The following APCDD1L variants were observed in gnomAD, a reference collection of about 807,000 sequenced individuals.
APCDD1L encodes the protein protein APCDD1-like.
A neutral mutation model predicts 24.2 loss-of-function variants in APCDD1L; 21 were observed. The ratio of observed to expected loss-of-function variants is 0.87; its 90% confidence interval spans 0.61 to 1.25. The LOEUF (loss-of-function observed/expected upper bound fraction) is 1.25. Among genes scored for constraint, APCDD1L ranks in the 50% most tolerant of loss-of-function variants. The pLI is 0.00. For synonymous variants in APCDD1L, 321 were observed against 323.6 expected (o/e 0.99, Z 0.09); for missense variants, 704 against 711.7 (o/e 0.99, Z 0.12).
chr20:58,475,342 C>T (rs1008705049), intron 1 of APCDD1L, among the ~76,000 whole-genome samples: 4 of 152,150 alleles, frequency 2.6e-5, no homozygotes, highest in Non-Finnish European at 5.9e-5. Context: ...GAAGCGAGCA[C>T]TTCGTATTCC....
rs897813773 is a variant in APCDD1L at position 58,467,963 on chromosome 20, C to G, written c.189-305G>C. 8.5e-5 allele frequency among the ~76,000 whole-genome samples: 13 copies of G among 152,230 alleles called. No homozygotes were observed. Among genetic ancestry groups the G allele is most frequent in the Non-Finnish European group, 1.6e-4 (11 of 68,006 alleles). ...TGGGGACCCGCTGGCCTGGGAGCTC[C>G]GGGATGCCCTGCCTGCTTCCTCCCC... On this transcript the variant is annotated intron_variant, in intron 2 of 3. Coordinates refer to ENST00000371149, the MANE Select transcript of APCDD1L (RefSeq NM_153360.3). The surrounding 1 kb of genome is among the most constrained non-coding windows in gnomAD (Gnocchi z 5.9).
chr20:58,461,130 G>A lies in APCDD1L; in HGVS notation c.1166C>T (p.Thr389Ile). Residue 389 changes from threonine (T) to isoleucine (I), a missense_variant, in exon 4 of 4, where the codon ACT (threonine) becomes ATT (isoleucine). Transcript: ENST00000371149. The surrounding 1 kb of genome is among the most constrained non-coding windows in gnomAD (Gnocchi z 6.0). ...GTTGGTGGCTGTGACATCCCGCTCA[G>A]TGCCCATGGACCAGGCCCCCGCACC... Reference protein sequence around the residue: ...CGGAGAWSMGTERDVTATNGC... With the variant: ...CGGAGAWSMGIERDVTATNGC... 1 of 1,613,676 alleles carries A rather than the reference G, an allele frequency of 6.2e-7. No individual in the cohort carries two copies.
chr20:58,514,962 A>G lies in APCDD1L; in HGVS notation c.-255T>C, dbSNP rs531784798. 2.8e-6 allele frequency: 1 copy of G among 351,646 alleles called. No individual in the cohort carries two copies. The highest frequency in any genetic ancestry group is 5.1e-6 in the Non-Finnish European group (1 of 196,600). 21.8% of individuals were successfully genotyped at this position (351,646 alleles called of 1,614,324 possible). ...GGAGACAGCCCCCGGCGAGGCGCGC[A>G]CACCCGCGCAGCGCGCACAGCCCCC... On this transcript the variant is annotated 5_prime_UTR_variant, in exon 1 of 4. Transcript: ENST00000371149.
intron 1 of APCDD1L, among the ~76,000 whole-genome samples, chr20:58,476,011 C>T (rs944008539): frequency 6.6e-6 from 1 of 152,088 alleles, no homozygotes; most frequent in African/African-American, 2.4e-5. Flanking sequence ...CTGCAAAGAC[C>T]CTATATCCAA....
intron 1 of APCDD1L, among the ~76,000 whole-genome samples, chr20:58,485,660 C>T (rs988693322): frequency 2.0e-5 from 3 of 152,180 alleles, no homozygotes; most frequent in Admixed American, 1.3e-4. Flanking sequence ...TCACTCTGGC[C>T]CCTGTAATTC....
intron 1 of APCDD1L, among the ~76,000 whole-genome samples, chr20:58,489,012 G>A (rs1396722043): frequency 6.6e-6 from 1 of 152,046 alleles, no homozygotes; most frequent in Admixed American, 6.6e-5. Context: ...GTGAGTAGGG[G>A]GAAAAGAGGA....
Position 58,467,547 on chromosome 20 carries a change from A to G in APCDD1L, c.300T>C (p.Pro100=). Reference sequence around the variant, plus strand: ...TGCCCTTGACGAGCAGCGAGTGGGCAGGTTCCCCGCAGAAGGGGTCCTCGT... The same window carrying G: ...TGCCCTTGACGAGCAGCGAGTGGGCGGGTTCCCCGCAGAAGGGGTCCTCGT... ...FYYEDPFCGE[P]AHSLLVKGKV... The change falls in exon 3 of 4, where the codon CCT becomes CCC. Residue 100 remains proline, a synonymous_variant. Transcript: ENST00000371149. The surrounding 1 kb of genome is among the most constrained non-coding windows in gnomAD (Gnocchi z 5.9). 5 of 1,586,992 alleles carry G rather than the reference A, an allele frequency of 3.2e-6. No individual in the cohort carries two copies. The highest frequency in any genetic ancestry group is 4.3e-6 in the Non-Finnish European group (5 of 1,166,782).
rs1281192999 is a variant in APCDD1L, at chr20:58,467,718, T to A, written c.189-60A>T. The A allele has an allele frequency of 4.3e-6, 6 of 1,384,238 alleles. No homozygotes were observed. The highest frequency in any genetic ancestry group is 4.7e-6 in the Non-Finnish European group (5 of 1,064,476). 85.7% of individuals were successfully genotyped at this position (1,384,238 alleles called of 1,614,324 possible). ...GGGAACACCGCGCCGCGAGCCCCTC[T>A]CCCCTCTGGGCTGGGCTCCTTTCTC... On this transcript the variant is annotated intron_variant, in intron 2 of 3. Transcript: ENST00000371149. The surrounding 1 kb of genome is among the most constrained non-coding windows in gnomAD (Gnocchi z 5.9).
chr20:58,463,823 T>G (rs1188008185), intron 3 of APCDD1L, among the ~76,000 whole-genome samples: 1 of 136,506 alleles, frequency 7.3e-6, no homozygotes, highest in Non-Finnish European at 1.5e-5. Flanking sequence ...GTGAGTTTCA[T>G]GCCAGACGAG....
At chr20:58,462,433 C>T (rs1435754040) in intron 3 of APCDD1L, among the ~76,000 whole-genome samples, 1 of 152,152 alleles carries the variant, frequency 6.6e-6, no homozygotes, top group East Asian at 1.9e-4. Context: ...TTACATCTTC[C>T]CTACAGGTGG....
chr20:58,510,783 C>A (rs1990612666), intron 1 of APCDD1L, among the ~76,000 whole-genome samples: 1 of 152,196 alleles, frequency 6.6e-6, no homozygotes, highest in South Asian at 2.1e-4. Context: ...GAGCCTGGAC[C>A]TGCATGGTGT....
At chr20:58,493,350 G>A (rs1990260471) in intron 1 of APCDD1L, among the ~76,000 whole-genome samples, 1 of 152,218 alleles carries the variant, frequency 6.6e-6, no homozygotes, top group Admixed American at 6.5e-5. Context: ...AAGAGATCAT[G>A]ACTGTGATTT....
At chr20:58,479,796 G>A (rs577175674) in intron 1 of APCDD1L, among the ~76,000 whole-genome samples, 8 of 152,268 alleles carry the variant, frequency 5.3e-5, no homozygotes, top group African/African-American at 1.9e-4. Context: ...GAGGAGATAT[G>A]CTGGCTGCGA....
At chr20:58,500,076 T>C (rs1990402211) in intron 1 of APCDD1L, among the ~76,000 whole-genome samples, 1 of 152,238 alleles carries the variant, frequency 6.6e-6, no homozygotes, top group Non-Finnish European at 1.5e-5. Flanking sequence ...CAAAGTGCTC[T>C]ACACTGAACG....
At chr20:58,501,136 A>G (rs1236984397) in intron 1 of APCDD1L, among the ~76,000 whole-genome samples, 1 of 152,238 alleles carries the variant, frequency 6.6e-6, no homozygotes, top group Non-Finnish European at 1.5e-5. Flanking sequence ...AGTTTGGACA[A>G]GTCATTCCCT....
At chr20:58,463,995 T>C (rs546099219) in intron 3 of APCDD1L, among the ~76,000 whole-genome samples, 41 of 151,862 alleles carry the variant, frequency 2.7e-4, no homozygotes, top group African/African-American at 9.4e-4. Context: ...ATATTGGCTT[T>C]GGTTATGGGG....
intron 1 of APCDD1L, among the ~76,000 whole-genome samples, chr20:58,495,530 G>C (rs746985506): frequency 6.6e-6 from 1 of 151,820 alleles, no homozygotes; most frequent in African/African-American, 2.4e-5. Flanking sequence ...CCTGTGCCCC[G>C]AGGGCAGGGA....
At chr20:58,465,425 G>C (rs1366537238) in intron 3 of APCDD1L, among the ~76,000 whole-genome samples, 1 of 152,188 alleles carries the variant, frequency 6.6e-6, no homozygotes, top group African/African-American at 2.4e-5. Context: ...TACTACCAGG[G>C]GTTAGAAGTT....
intron 1 of APCDD1L, among the ~76,000 whole-genome samples, chr20:58,476,481 G>T (rs1055858825): frequency 4.6e-5 from 7 of 152,206 alleles, no homozygotes; most frequent in African/African-American, 1.7e-4. Context: ...GAGCCACTGC[G>T]CCCTGCCCCA....
Sources: gnomAD v4.1 joint callset for allele counts (sites outside exome capture counted in the v4.1 genomes callset) on GRCh38, gnomAD v4.1.1 for gene constraint, Gnocchi (gnomAD v3.1) non-coding constraint, MANE v1.5 for transcripts, NCBI Gene and HGNC (gene_info 2026-07-23, HGNC 2026-07-21) for gene names.